The following TPGS1 variants were observed in gnomAD, a reference collection of about 807,000 sequenced individuals.
TPGS1 encodes gene trap ROSA b-geo 22.
In TPGS1, 18 loss-of-function variants were observed where a neutral mutation model predicts 11.9. That is an observed-to-expected ratio of 1.51 (90% CI 1.04 to 2.24). TPGS1 has a LOEUF of 2.24. TPGS1 is among the 30% of genes most tolerant of loss of function. The pLI is 0.00. For synonymous variants in TPGS1, 247 were observed against 218.2 expected, an observed-to-expected ratio of 1.13 and a Z score of -1.16; for missense variants, 500 against 443.0, an observed-to-expected ratio of 1.13 and a Z score of -1.16.
At chr19:515,510 G>A (rs1222477771) in intron 1 of TPGS1, among the ~76,000 whole-genome samples, 3 of 152,210 alleles carry the variant, frequency 2.0e-5, no homozygotes, top group African/African-American at 7.2e-5. Context: ...GGCCGAGGTG[G>A]GCGGACCACG....
intron 1 of TPGS1, among the ~76,000 whole-genome samples, chr19:511,931 G>T (rs1744484969): frequency 3.3e-5 from 5 of 152,168 alleles, no homozygotes; most frequent in Admixed American, 3.3e-4. Flanking sequence ...GAGTGCAGTG[G>T]CGCGATCTCG....
intron 1 of TPGS1, among the ~76,000 whole-genome samples, chr19:515,554 A>G (rs11880989): frequency 0.22 from 32,559 of 150,912 alleles, 4,038 homozygotes; most frequent in Admixed American, 0.35. Context: ...CCTGGCCGAC[A>G]TGGTGAAACC....
intron 1 of TPGS1, among the ~76,000 whole-genome samples, chr19:513,176 G>A (rs997316255): frequency 1.3e-5 from 2 of 152,226 alleles, no homozygotes; most frequent in Admixed American, 6.5e-5. Flanking sequence ...GCCCCGGTGC[G>A]GCTCCTGCTG....
Position 507,749 on chromosome 19 carries a change from C to A in TPGS1, c.243C>A (p.Asn81Lys). ...FENMGLRSPVNGGAGEPPGQL... is the reference protein window; with the variant it reads ...FENMGLRSPVKGGAGEPPGQL... ...ACATGGGCCTGCGCTCGCCTGTAAA[C>A]GGCGGCGCCGGGGAGCCCCCGGGCC... Residue 81 changes from asparagine (N) to lysine (K), a missense_variant, in exon 1 of 2, where the codon AAC (asparagine) becomes AAA (lysine). Asn to Lys is a moderately conservative substitution (Grantham distance 94). Coordinates refer to ENST00000359315, the MANE Select transcript of TPGS1 (RefSeq NM_033513.3). 7.2e-7 allele frequency: 1 copy of A among 1,397,322 alleles called. No individual in the cohort carries two copies. The highest frequency in any genetic ancestry group is 9.3e-7 in the Non-Finnish European group (1 of 1,076,132). The allele number at this position is 1,397,322 out of a possible 1,614,324, so 86.6% of individuals were successfully genotyped here.
Position 519,547 on chromosome 19 carries a change from C to A in TPGS1, c.*124C>A. On this transcript the variant is annotated 3_prime_UTR_variant, in exon 2 of 2. Coordinates refer to ENST00000359315, the MANE Select transcript of TPGS1 (RefSeq NM_033513.3). Reference sequence around the variant, plus strand: ...CAGGCGCCCAGCCCTGCGGAGGAGGCCGGGGCTCCCAGGAAGCGGACGCCC... The same window carrying A: ...CAGGCGCCCAGCCCTGCGGAGGAGGACGGGGCTCCCAGGAAGCGGACGCCC... 2 of 954,746 alleles carry A rather than the reference C, an allele frequency of 2.1e-6. No individual in the cohort carries two copies. The highest frequency in any genetic ancestry group is 2.6e-6 in the Non-Finnish European group (2 of 756,260). The allele number at this position is 954,746 out of a possible 1,614,324, so 59.1% of individuals were successfully genotyped here. A position where few individuals can be genotyped will look rare whatever the true frequency, so the allele number is the denominator to read the frequency against.
At position 511,486 on chromosome 19, in the gene TPGS1, CA is replaced by C. The variant is rs542449493; in HGVS notation, c.338+3643del. On this transcript the variant is annotated intron_variant, in intron 1 of 1. Transcript: ENST00000359315. ...CAGGTGGGGCCTCCCACACGTATGC[CA>C]GCTGCTGTCCTGAGCACCTGGCTCC... Among the ~76,000 whole-genome samples, 219 of 152,376 alleles carry C rather than the reference CA, an allele frequency of 1.4e-3. 1 individual carries two copies. Among genetic ancestry groups the C allele is most frequent in the Non-Finnish European group, 2.8e-3 (193 of 68,038 alleles).
intron 1 of TPGS1, among the ~76,000 whole-genome samples, chr19:512,341 T>C (rs1465617542): frequency 6.6e-6 from 1 of 151,912 alleles, no homozygotes; most frequent in Non-Finnish European, 1.5e-5. Context: ...TTTTTAAATT[T>C]TTGTAGAGAC....
rs1010856801 is a variant in TPGS1, at chr19:519,545, G to A, written c.*122G>A. 1 of 971,162 alleles carries A rather than the reference G, an allele frequency of 1.0e-6. No homozygotes were observed. The allele number at this position is 971,162 out of a possible 1,614,324, so 60.2% of individuals were successfully genotyped here. ...ACCAGGCGCCCAGCCCTGCGGAGGAGGCCGGGGCTCCCAGGAAGCGGACGC... is the reference window on the plus strand; with the variant it reads ...ACCAGGCGCCCAGCCCTGCGGAGGAAGCCGGGGCTCCCAGGAAGCGGACGC... On this transcript the variant is annotated 3_prime_UTR_variant, in exon 2 of 2. Coordinates refer to ENST00000359315, the MANE Select transcript of TPGS1 (RefSeq NM_033513.3).
rs1055689260 is a variant in TPGS1, at chr19:511,121, T to C, written c.338+3277T>C. ...GTAGGAGCCGACACAGACGGAGCCC[T>C]GGCTGGGCTCCCGCTTTCCATTTTG... is the stretch of plus-strand genomic sequence containing the variant. On this transcript the variant is annotated intron_variant, in intron 1 of 1. Transcript: ENST00000359315. Among the ~76,000 whole-genome samples the C allele has an allele frequency of 2.0e-5, 3 of 152,220 alleles. No homozygotes were observed. In the East Asian group the frequency reaches 5.8e-4, roughly 29 times the overall value.
chr19:511,755 C>T (rs758514632), intron 1 of TPGS1, among the ~76,000 whole-genome samples: 11 of 152,250 alleles, frequency 7.2e-5, no homozygotes, highest in Non-Finnish European at 1.6e-4. Flanking sequence ...GTAATCCCGG[C>T]CCACAGACCT....
At chr19:511,875 T>C (rs1228040040) in intron 1 of TPGS1, among the ~76,000 whole-genome samples, 2 of 132,968 alleles carry the variant, frequency 1.5e-5, no homozygotes, top group Non-Finnish European at 3.2e-5. Flanking sequence ...CAGTTGTTTT[T>C]TTGTTGTTTT....
At chr19:509,548 A>AG (rs1478966977) in intron 1 of TPGS1, 2 of 152,288 alleles carry the variant, frequency 1.3e-5, no homozygotes, top group African/African-American at 4.8e-5. Context: ...CCAGGGAAGG[A>AG]GCCTTCCTTG....
chr19:512,899 C>T (rs911970525), intron 1 of TPGS1, among the ~76,000 whole-genome samples: 3 of 152,190 alleles, frequency 2.0e-5, no homozygotes, highest in Admixed American at 2.0e-4. Context: ...TGGGGTCGCT[C>T]GCGCAGCTCC....
rs1469084030 is a variant in TPGS1 at position 518,954 on chromosome 19, G to C, written c.404G>C (p.Arg135Thr). The C allele has an allele frequency of 2.5e-6, 4 of 1,586,872 alleles. No individual in the cohort carries two copies. Among genetic ancestry groups the C allele is most frequent in the Admixed American group, 1.7e-5 (1 of 58,938 alleles). Residue 135 changes from arginine to threonine, a missense_variant, in exon 2 of 2, where the codon AGG (arginine) becomes ACG (threonine). Physicochemically the swap from Arg to Thr is moderately conservative, Grantham distance 71. Transcript: ENST00000359315. ...ECLSAGGRRK[R>T]PGLDGRTYSE... ...CTGAGCGCCGGCGGGCGCAGGAAGA[G>C]GCCGGGGCTGGACGGGCGCACCTAC...
At chr19:512,866 T>G (rs2145832592) in intron 1 of TPGS1, among the ~76,000 whole-genome samples, 1 of 152,278 alleles carries the variant, frequency 6.6e-6, no homozygotes. Context: ...GGTTGCTGGC[T>G]CGGCTGGGCA....
intron 1 of TPGS1, among the ~76,000 whole-genome samples, chr19:518,002 G>A (rs1192126257): frequency 8.8e-6 from 1 of 113,718 alleles, no homozygotes; most frequent in Non-Finnish European, 1.8e-5. Context: ...TTGGGAGGAG[G>A]CCGAGGCTGG....
intron 1 of TPGS1, 114 bp from the exon 2 acceptor site, chr19:518,775 G>A: frequency 8.5e-7 from 1 of 1,180,770 alleles, no homozygotes; most frequent in East Asian, 3.1e-5. Flanking sequence ...GAGAGGGGAG[G>A]CCAGGGCTGG....
rs1979055347 is a variant in TPGS1 at position 518,906 on chromosome 19, A to C, written c.356A>C (p.Asn119Thr). 1 of 1,545,236 alleles carries C rather than the reference A, an allele frequency of 6.5e-7. No individual in the cohort carries two copies. The highest frequency in any genetic ancestry group is 8.7e-7 in the Non-Finnish European group (1 of 1,153,814). The change falls in exon 2 of 2, where the codon AAC (asparagine) becomes ACC (threonine). Residue 119 changes from asparagine (N) to threonine (T), a missense_variant. Transcript: ENST00000359315. ...CTCCGCAGGGCCGCCTTCAACAACA[A>C]CGTGAGCGTGGCCTACGAGTGCCTG... ...HHSQRAAFNN[N>T]VSVAYECLSA... is the part of the protein sequence containing the mutation.
At position 519,440 on chromosome 19, in the gene TPGS1, G is replaced by A. The variant is rs1390736491; in HGVS notation, c.*17G>A. On this transcript the variant is annotated 3_prime_UTR_variant, in exon 2 of 2. Transcript: ENST00000359315. Reference sequence around the variant, plus strand: ...GTGGGCTGAGGCCCGTGGGCCGCGCGGATCCGGGATCTGCGCTGGGGGGTC... The same window carrying A: ...GTGGGCTGAGGCCCGTGGGCCGCGCAGATCCGGGATCTGCGCTGGGGGGTC... 2.5e-6 allele frequency: 3 copies of A among 1,203,528 alleles called. No individual in the cohort carries two copies. The highest frequency in any genetic ancestry group is 3.1e-6 in the Non-Finnish European group (3 of 968,564). The allele number at this position is 1,203,528 out of a possible 1,614,324, so 74.6% of individuals were successfully genotyped here. A position where few individuals can be genotyped will look rare whatever the true frequency, so the allele number is the denominator to read the frequency against.
Sources: allele counts gnomAD v4.1 joint callset (sites outside exome capture counted in the v4.1 genomes callset), GRCh38; gene constraint gnomAD v4.1.1; transcripts MANE v1.5; gene names NCBI Gene and HGNC (gene_info 2026-07-23, HGNC 2026-07-21).